LGI1: variants seen among roughly 807,000 people sequenced by gnomAD.
LGI1 encodes leucine rich glioma inactivated 1, also known as leucine-rich glioma-inactivated protein 1.
A neutral mutation model predicts 57.7 loss-of-function variants in LGI1; 11 were observed. That is an observed-to-expected ratio of 0.19 (90% CI 0.12 to 0.32). The LOEUF (loss-of-function observed/expected upper bound fraction) is 0.32, where lower values mean the gene tolerates loss of function less well. LGI1 is among the 10% of genes least tolerant of loss of function. The pLI, the probability that LGI1 is intolerant of heterozygous loss-of-function variation, is 1.00. For synonymous variants in LGI1, 222 were observed against 241.9 expected (o/e 0.92, Z 0.76); for missense variants, 422 against 661.9 (o/e 0.64, Z 3.98).
rs564406683 is a variant in LGI1, at chr10:93,776,187, C to T, written c.288-1192C>T. 4.6e-5 allele frequency among the ~76,000 whole-genome samples: 7 copies of T among 152,340 alleles called. No individual in the cohort carries two copies. In the South Asian group the frequency reaches 8.3e-4, roughly 18 times the overall value. On this transcript the variant is annotated intron_variant, in intron 2 of 7. Coordinates refer to ENST00000371418, the MANE Select transcript of LGI1 (RefSeq NM_005097.4). ...GGGATTAGAAGACAATCCAACACCA[C>T]TCTAGGATTGATAGTTTAGGAAGAA...
intron 4 of LGI1, among the ~76,000 whole-genome samples, chr10:93,780,998 C>G (rs2059842210): frequency 6.6e-6 from 1 of 152,196 alleles, no homozygotes; most frequent in Non-Finnish European, 1.5e-5. Context: ...AAACAATGCA[C>G]TTTCTCACCT....
intron 2 of LGI1, among the ~76,000 whole-genome samples, chr10:93,775,198 T>C (rs536020772): frequency 6.6e-6 from 1 of 152,306 alleles, no homozygotes; most frequent in East Asian, 1.9e-4. Context: ...ATATTATCAT[T>C]ACCCCAAAAG....
At chr10:93,781,308 G>A (rs535776354) in intron 4 of LGI1, among the ~76,000 whole-genome samples, 2 of 152,036 alleles carry the variant, frequency 1.3e-5, no homozygotes, top group Admixed American at 6.6e-5. Context: ...GCAGTGAGCC[G>A]AGATCACGCC....
intron 4 of LGI1, among the ~76,000 whole-genome samples, chr10:93,786,728 C>A (rs1315849473): frequency 5.8e-5 from 1 of 17,226 alleles, no homozygotes; most frequent in African/African-American, 6.0e-5. Flanking sequence ...CCCAGAGTAA[C>A]TAGGACCACA....
intron 2 of LGI1, among the ~76,000 whole-genome samples, chr10:93,776,295 T>C (rs1262070352): frequency 2.0e-5 from 3 of 152,188 alleles, no homozygotes; most frequent in Non-Finnish European, 2.9e-5. Context: ...TTTAAGTATA[T>C]ATAAATGTAG....
chr10:93,767,646 C>T (rs958854820), intron 2 of LGI1: 10 of 152,184 alleles, frequency 6.6e-5, no homozygotes, highest in African/African-American at 1.7e-4. Flanking sequence ...ATACATTAAA[C>T]GGTCTGTCTC....
intron 2 of LGI1, among the ~76,000 whole-genome samples, chr10:93,759,592 C>T (rs2059602927): frequency 6.6e-6 from 1 of 152,174 alleles, no homozygotes; most frequent in Non-Finnish European, 1.5e-5. Flanking sequence ...AGCGGTATCA[C>T]ATGGGGGTCA....
intron 2 of LGI1, chr10:93,767,026 T>G (rs1305204061): frequency 6.6e-6 from 1 of 152,228 alleles, no homozygotes; most frequent in African/African-American, 2.4e-5. Context: ...TTGCATAGTT[T>G]TGTTCCCAAA....
intron 2 of LGI1, chr10:93,770,781 AAAGCTTTTT>A (rs2059728539): frequency 1.3e-5 from 2 of 152,222 alleles, no homozygotes; most frequent in African/African-American, 4.8e-5. Flanking sequence ...TGAAATTATG[AAAGCTTTTT>A]TTTAAAAAAA....
chr10:93,783,546 G>T (rs1296341906), intron 4 of LGI1, among the ~76,000 whole-genome samples: 1 of 152,046 alleles, frequency 6.6e-6, no homozygotes, highest in South Asian at 2.1e-4. Flanking sequence ...CTGAGGTGGG[G>T]GTCCACACCA....
At chr10:93,790,358 A>G (rs1647592312) in intron 5 of LGI1, 188 bp downstream of exon 5, 1 of 592,748 alleles carries the variant, frequency 1.7e-6, no homozygotes, top group Admixed American at 3.2e-5. Flanking sequence ...GGTATTTATC[A>G]TTGGGAATTC....
At chr10:93,794,344 T>C (rs962628681) in intron 7 of LGI1, among the ~76,000 whole-genome samples, 1 of 149,136 alleles carries the variant, frequency 6.7e-6, no homozygotes, top group African/African-American at 2.5e-5. Flanking sequence ...ATGAAAACTT[T>C]TACTTATCTG....
In LGI1 at chr10:93,783,349, T is replaced by C. The variant is rs188587568; in HGVS notation, c.431+5732T>C. Among the ~76,000 whole-genome samples, 1,384 of 152,208 alleles carry C rather than the reference T, an allele frequency of 9.1e-3. 17 individuals carry two copies. The highest frequency in any genetic ancestry group is 0.03 in the African/African-American group (1,239 of 41,528). On this transcript the variant is annotated intron_variant, in intron 4 of 7. Transcript: ENST00000371418. Reference sequence around the variant, plus strand: ...CGAGATCGCGCCACTGCACTCCAGCTTGGGTGACAGAGCGAGACTCCGTCT... The same window carrying C: ...CGAGATCGCGCCACTGCACTCCAGCCTGGGTGACAGAGCGAGACTCCGTCT...
At chr10:93,790,056 T>G (rs778358284) in intron 4 of LGI1, 43 bp from the exon 5 acceptor site, 1 of 1,546,420 alleles carries the variant, frequency 6.5e-7, no homozygotes. Context: ...CTTTGTTTAA[T>G]TTATCACTAC....
At chr10:93,793,483 G>A (rs2059953343) in intron 7 of LGI1, 133 bp downstream of exon 7, 4 of 790,970 alleles carry the variant, frequency 5.1e-6, no homozygotes, top group Non-Finnish European at 8.6e-6. Flanking sequence ...AGTGACCTGG[G>A]ATTGTTCTCT....
intron 2 of LGI1, chr10:93,762,400 G>C (rs1296322354): frequency 6.6e-6 from 1 of 152,180 alleles, no homozygotes; most frequent in East Asian, 1.9e-4. Context: ...GAAGGAATAA[G>C]TCCATCCTTA....
chr10:93,792,383 A>T, intron 5 of LGI1: 1 of 237,346 alleles, frequency 4.2e-6, no homozygotes, highest in Non-Finnish European at 8.4e-6. Context: ...AATAAAACAT[A>T]TTATTAAAAT....
In LGI1 at chr10:93,758,575, A is replaced by G. The variant is rs1644148061; in HGVS notation, c.216-185A>G. On this transcript the variant is annotated intron_variant, in intron 1 of 7. Coordinates refer to ENST00000371418, the MANE Select transcript of LGI1 (RefSeq NM_005097.4). The surrounding 1 kb of genome is among the most constrained non-coding windows in gnomAD (Gnocchi z 4.7). ...GATACCCCCAGCCCTGAACATTATC[A>G]TGAGAAACCTGTAGCCGATTCATTT... The G allele has an allele frequency of 1.5e-6, 1 of 689,560 alleles. No individual in the cohort carries two copies. The highest frequency in any genetic ancestry group is 1.8e-5 in the African/African-American group (1 of 55,896). The allele number at this position is 689,560 out of a possible 1,614,324, so 42.7% of individuals were successfully genotyped here.
intron 4 of LGI1, among the ~76,000 whole-genome samples, chr10:93,785,256 C>T (rs906054294): frequency 3.9e-5 from 6 of 152,002 alleles, no homozygotes; most frequent in Non-Finnish European, 7.4e-5. Context: ...TGTTTAATGA[C>T]AATAACAACA....
Sources: allele counts gnomAD v4.1 joint callset (sites outside exome capture counted in the v4.1 genomes callset), GRCh38; gene constraint gnomAD v4.1.1; non-coding constraint Gnocchi (gnomAD v3.1); transcripts MANE v1.5; gene names NCBI Gene and HGNC (gene_info 2026-07-23, HGNC 2026-07-21).